The following NLGN4X variants were observed in gnomAD, a reference collection of about 807,000 sequenced individuals.
NLGN4X encodes neuroligin-4, X-linked.
Under a neutral mutation model 40.3 loss-of-function variants are expected in NLGN4X, and 3 were observed. The ratio of observed to expected loss-of-function variants is 0.07; its 90% confidence interval spans 0.03 to 0.19. The LOEUF (loss-of-function observed/expected upper bound fraction) is 0.19, where lower values mean the gene tolerates loss of function less well. Ranked by LOEUF, NLGN4X falls within the 10% of genes least tolerant of loss-of-function variation. NLGN4X has a pLI of 1.00. For synonymous variants in NLGN4X, 270 were observed against 306.8 expected (o/e 0.88, Z 1.25); for missense variants, 382 against 708.3 (o/e 0.54, Z 5.23).
intron 3 of NLGN4X, among the ~76,000 whole-genome samples, chrX:5,912,293 C>T (rs1467145702): frequency 9.0e-6 from 1 of 111,015 alleles, no homozygotes; most frequent in Admixed American, 9.6e-5. Context: ...ACATAGAGGC[C>T]GACTGGGTGC....
At chrX:5,905,361 TAG>T (rs1479528201) in intron 4 of NLGN4X, among the ~76,000 whole-genome samples, 1 of 111,661 alleles carries the variant, frequency 9.0e-6, no homozygotes, top group African/African-American at 3.3e-5. Context: ...ATGAGTATGC[TAG>T]GAGTTCACAT....
At chrX:6,196,551 CAAAAAAAAAAAAA>C (rs374097705) in intron 1 of NLGN4X, among the ~76,000 whole-genome samples, 19 of 23,316 alleles carry the variant, frequency 8.1e-4, no homozygotes, top group African/African-American at 1.7e-3. Flanking sequence ...GACTCTGTCT[CAAAAAAAAAAAAA>C]AAAAAAAAAA....
At chrX:6,219,504 TCTCC>T (rs1191758498) in intron 1 of NLGN4X, among the ~76,000 whole-genome samples, 1 of 103,658 alleles carries the variant, frequency 9.6e-6, no homozygotes, top group African/African-American at 3.5e-5. Context: ...CTATCATCCT[TCTCC>T]CTCCCTCCCT....
intron 3 of NLGN4X, among the ~76,000 whole-genome samples, chrX:5,984,926 T>C (rs1407395627): frequency 9.0e-6 from 1 of 111,711 alleles, no homozygotes; most frequent in African/African-American, 3.3e-5. Flanking sequence ...GTACAAAAAG[T>C]AATGAAACAT....
rs746435836 is a variant in NLGN4X at position 6,001,837 on chromosome X, T to G, written c.625+27443A>C. 2.7e-5 allele frequency among the ~76,000 whole-genome samples: 3 copies of G among 111,992 alleles called. No individual in the cohort carries two copies. In the South Asian group the frequency reaches 1.1e-3, roughly 42 times the overall value. The stretch of plus-strand genomic sequence containing the variant: ...AAGGAAAAATCCAAGATAGAATACA[T>G]TGATTTTATTTTCTAATAGTAGAAA... On this transcript the variant is annotated intron_variant, in intron 3 of 5. Transcript: ENST00000381095.
At chrX:6,172,150 A>G (rs2040619991) in intron 1 of NLGN4X, among the ~76,000 whole-genome samples, 1 of 111,593 alleles carries the variant, frequency 9.0e-6, no homozygotes, top group South Asian at 3.8e-4. Context: ...ATTTCTTTAT[A>G]TCAATGCAAG....
intron 3 of NLGN4X, among the ~76,000 whole-genome samples, chrX:5,978,724 T>C (rs901270930): frequency 1.8e-5 from 2 of 112,245 alleles, no homozygotes; most frequent in Admixed American, 1.9e-4. Flanking sequence ...TGTAAAAGTA[T>C]AAACTGTACA....
chrX:5,894,613 G>A (rs1489747212), intron 5 of NLGN4X, among the ~76,000 whole-genome samples: 1 of 111,769 alleles, frequency 8.9e-6, no homozygotes, highest in Admixed American at 9.5e-5. Flanking sequence ...ATTTGCACAA[G>A]TGGTCACAGG....
chrX:6,075,795 C>G (rs2038180296), intron 2 of NLGN4X, among the ~76,000 whole-genome samples: 1 of 111,685 alleles, frequency 9.0e-6, no homozygotes, highest in South Asian at 3.8e-4. Context: ...TCCTGACACC[C>G]TCACCAGAAG....
At chrX:5,950,318 T>C (rs1309425566) in intron 3 of NLGN4X, among the ~76,000 whole-genome samples, 2 of 112,435 alleles carry the variant, frequency 1.8e-5, no homozygotes, top group African/African-American at 6.5e-5. Flanking sequence ...ATATGCAAAC[T>C]ATATTTTGTC....
intron 5 of NLGN4X, among the ~76,000 whole-genome samples, chrX:5,900,614 C>T (rs2031801802): frequency 1.1e-5 from 1 of 93,525 alleles, no homozygotes; most frequent in African/African-American, 3.9e-5. Flanking sequence ...CGGTCTGTCA[C>T]CCAGGTTGGA....
Position 5,892,444 on chromosome X carries a change from C to G in NLGN4X, c.*373G>C. The G allele has an allele frequency of 4.5e-6, 1 of 220,904 alleles. No homozygotes were observed. Among genetic ancestry groups the G allele is most frequent in the South Asian group, 7.1e-5 (1 of 14,062 alleles). The allele number at this position is 220,904 out of a possible 1,213,427, so 18.2% of individuals were successfully genotyped here. On this transcript the variant is annotated 3_prime_UTR_variant, in exon 6 of 6. Transcript: ENST00000381095. Reference sequence around the variant, plus strand: ...TTGTAATTAAAAAATATCAAGTGTCCTTGGCTGAGTTTCAGAAGTGTCAGC... The same window carrying G: ...TTGTAATTAAAAAATATCAAGTGTCGTTGGCTGAGTTTCAGAAGTGTCAGC...
rs558313929 is a variant in NLGN4X at position 6,099,355 on chromosome X, T to C, written c.472+51640A>G. Among the ~76,000 whole-genome samples the C allele has an allele frequency of 3.6e-5, 4 of 112,231 alleles. No individual in the cohort carries two copies. The South Asian group carries it at 1.1e-3, about 31-fold the overall frequency. ...CCTGTGTATCAATTTCTATCAAACT[T>C]TGAGCACTAAAATGGCTCTGAAGTA... On this transcript the variant is annotated intron_variant, in intron 2 of 5. Coordinates refer to ENST00000381095, the MANE Select transcript of NLGN4X (RefSeq NM_181332.3).
intron 2 of NLGN4X, among the ~76,000 whole-genome samples, chrX:6,036,688 T>C (rs1281835915): frequency 1.8e-5 from 2 of 110,271 alleles, no homozygotes; most frequent in African/African-American, 6.6e-5. Flanking sequence ...CTTTATCTTC[T>C]CTATGTCTAC....
chrX:6,017,480 A>C (rs978589714), intron 3 of NLGN4X, among the ~76,000 whole-genome samples: 1 of 111,828 alleles, frequency 8.9e-6, no homozygotes, highest in African/African-American at 3.2e-5. Context: ...CAATATATTG[A>C]ACACAGGCAT....
chrX:6,091,471 G>T (rs2038638461), intron 2 of NLGN4X, among the ~76,000 whole-genome samples: 1 of 111,559 alleles, frequency 9.0e-6, no homozygotes. Context: ...TTTCACATAA[G>T]GAGGCAATGC....
At chrX:6,160,965 AAT>A (rs1156641871) in intron 1 of NLGN4X, among the ~76,000 whole-genome samples, 2 of 101,333 alleles carry the variant, frequency 2.0e-5, no homozygotes, top group Admixed American at 1.1e-4. Flanking sequence ...ATATAAATAA[AAT>A]ATATTATTCT....
intron 2 of NLGN4X, chrX:6,032,815 A>C (rs2036905613): frequency 1.4e-6 from 1 of 720,242 alleles, no homozygotes; most frequent in Admixed American, 3.5e-5. Context: ...AGGTTTTCAA[A>C]AAATTCAGAA....
At chrX:5,941,789 G>T (rs2033953962) in intron 3 of NLGN4X, among the ~76,000 whole-genome samples, 1 of 112,368 alleles carries the variant, frequency 8.9e-6, no homozygotes, top group Non-Finnish European at 1.9e-5. Context: ...CCCGCTCACT[G>T]TCTCTGTAAG....
Sources: gnomAD v4.1 joint callset for allele counts (sites outside exome capture counted in the v4.1 genomes callset) on GRCh38, gnomAD v4.1.1 for gene constraint, MANE v1.5 for transcripts, NCBI Gene and HGNC (gene_info 2026-07-23, HGNC 2026-07-21) for gene names.